Variants in CAMSAP2 observed in about 807,000 individuals in gnomAD.
The protein encoded by CAMSAP2 is calmodulin-regulated spectrin-associated protein 2.
In CAMSAP2, 26 loss-of-function variants were observed where a neutral mutation model predicts 146.1. That is an observed-to-expected ratio of 0.18 (90% CI 0.13 to 0.25). The LOEUF is 0.25. Among genes scored for constraint, CAMSAP2 ranks in the 10% least tolerant of loss-of-function variants. The probability of loss-of-function intolerance (pLI) is 1.00; values close to 1 mark genes in which losing one functional copy is unlikely to be tolerated. For missense variants in CAMSAP2, 1,381 were observed against 1,759.3 expected (o/e 0.78, Z 3.85); for synonymous variants, 499 against 596.6 (o/e 0.84, Z 2.38).
At chr1:200,828,886 G>A (rs1443643800) in intron 4 of CAMSAP2, among the ~76,000 whole-genome samples, 8 of 151,936 alleles carry the variant, frequency 5.3e-5, no homozygotes, top group African/African-American at 1.2e-4. Context: ...GGCCAGGTGC[G>A]GTGGCTCACA....
chr1:200,848,712 A>T lies in CAMSAP2; in HGVS notation c.1943A>T (p.Gln648Leu), dbSNP rs1409628537. The T allele has an allele frequency of 6.2e-7, 1 of 1,614,008 alleles. No individual in the cohort carries two copies. The highest frequency in any genetic ancestry group is 1.3e-5 in the African/African-American group (1 of 74,910). The change falls in exon 11 of 17, where the codon CAG (glutamine) becomes CTG (leucine). Residue 648 changes from glutamine (Q) to leucine (L), a missense_variant. This residue lies in a region of CAMSAP2 where 447 missense variants were observed against 462.2 expected (regional missense o/e 0.97). Transcript: ENST00000358823. ...SDMDDASKFL[Q>L]DYDIRTGNTR... ...ATGGATGATGCATCTAAATTTCTTC[A>T]GGATTATGATATTCGAACTGGCAAC...
chr1:200,847,757 C>A, intron 10 of CAMSAP2, 48 bp downstream of exon 10: 1 of 1,421,656 alleles, frequency 7.0e-7, no homozygotes, highest in South Asian at 1.2e-5. Context: ...TTAAGAAATG[C>A]AAATTGCATC....
intron 2 of CAMSAP2, among the ~76,000 whole-genome samples, chr1:200,762,091 A>T (rs192246961): frequency 5.9e-5 from 9 of 152,360 alleles, no homozygotes; most frequent in African/African-American, 2.2e-4. Context: ...TAAGGTGTAT[A>T]TGTAGAAAAG....
chr1:200,857,358 A>G lies in CAMSAP2; in HGVS notation c.4065A>G (p.Gln1355=), dbSNP rs745551743. 9 of 1,613,710 alleles carry G rather than the reference A, an allele frequency of 5.6e-6. No homozygotes were observed. The highest frequency in any genetic ancestry group is 6.8e-6 in the Non-Finnish European group (8 of 1,179,838). Residue 1355 remains glutamine, a synonymous_variant, in exon 16 of 17, where the codon CAA becomes CAG. Transcript: ENST00000358823. The surrounding 1 kb of genome is among the most constrained non-coding windows in gnomAD (Gnocchi z 4.7). ...CAAAATCCAATAAGCACATAATACAAAATGCTTTAGCTCATTGCTGTTTGG... is the reference window on the plus strand; with the variant it reads ...CAAAATCCAATAAGCACATAATACAGAATGCTTTAGCTCATTGCTGTTTGG... ...PSAKSNKHII[Q]NALAHCCLAG...
chr1:200,793,228 T>C (rs1014842891), intron 2 of CAMSAP2, among the ~76,000 whole-genome samples: 13 of 152,324 alleles, frequency 8.5e-5, no homozygotes, highest in African/African-American at 2.9e-4. Context: ...GATAATATTG[T>C]CTGCCTTATA....
At chr1:200,804,665 G>T (rs1054521685) in intron 2 of CAMSAP2, among the ~76,000 whole-genome samples, 2 of 152,180 alleles carry the variant, frequency 1.3e-5, no homozygotes, top group Non-Finnish European at 2.9e-5. Context: ...GCTCTCCAGG[G>T]ATGGAGTATA....
chr1:200,806,755 G>GTA (rs1558185411), intron 2 of CAMSAP2, among the ~76,000 whole-genome samples: 3 of 134,534 alleles, frequency 2.2e-5, no homozygotes, highest in African/African-American at 8.0e-5. Flanking sequence ...GTGTGTGTGT[G>GTA]TGTGTGTGTG....
intron 2 of CAMSAP2, among the ~76,000 whole-genome samples, chr1:200,773,887 AAAAATAAAAT>A (rs201163114): frequency 0.13 from 17,979 of 134,176 alleles, 1,322 homozygotes; most frequent in Admixed American, 0.16. Flanking sequence ...CTCTGTCTCA[AAAAATAAAAT>A]AAAATAAAAT....
intron 4 of CAMSAP2, among the ~76,000 whole-genome samples, chr1:200,823,093 C>G (rs1443010641): frequency 6.6e-6 from 1 of 152,048 alleles, no homozygotes; most frequent in African/African-American, 2.4e-5. Context: ...ATATACCTAC[C>G]TGAATTAATT....
At chr1:200,841,883 T>C in intron 6 of CAMSAP2, 111 bp from the exon 7 acceptor site, 1 of 751,336 alleles carries the variant, frequency 1.3e-6, no homozygotes, top group Non-Finnish European at 2.3e-6. Context: ...CTATAGTGAA[T>C]ATACTCCAGT....
chr1:200,831,650 C>A (rs1354992525), intron 4 of CAMSAP2, among the ~76,000 whole-genome samples: 1 of 147,448 alleles, frequency 6.8e-6, no homozygotes, highest in South Asian at 2.1e-4. Flanking sequence ...TTTTCACTTT[C>A]AAAGTTGTTA....
In CAMSAP2 at chr1:200,807,448, A is replaced by G; in HGVS notation, c.472A>G (p.Ile158Val). 1 of 1,575,366 alleles carries G rather than the reference A, an allele frequency of 6.3e-7. No individual in the cohort carries two copies. Among genetic ancestry groups the G allele is most frequent in the Non-Finnish European group, 8.7e-7 (1 of 1,154,384 alleles). ...AGAAATGGTCAGTATAGAAAAAGTA[A>G]TTGCGTGTGCTCAGCAGTATTCAGC... ...TVEMVSIEKVIACAQQYSAFF... is the reference protein window; with the variant it reads ...TVEMVSIEKVVACAQQYSAFF... Residue 158 changes from isoleucine (I) to valine (V), a missense_variant, in exon 3 of 17, where the codon ATT (isoleucine) becomes GTT (valine). Ile to Val is a conservative substitution (Grantham distance 29). Around this residue, in one of 4 missense-constraint regions of CAMSAP2, gnomAD observed 284 missense variants for 406.9 expected, o/e 0.70. Transcript: ENST00000358823.
chr1:200,790,821 C>A (rs915632246), intron 2 of CAMSAP2, among the ~76,000 whole-genome samples: 2 of 152,030 alleles, frequency 1.3e-5, no homozygotes, highest in African/African-American at 4.8e-5. Flanking sequence ...GATCAATAAA[C>A]ATTGAGAAAA....
intron 4 of CAMSAP2, among the ~76,000 whole-genome samples, chr1:200,827,163 A>G (rs1405523931): frequency 2.6e-5 from 4 of 152,216 alleles, no homozygotes; most frequent in Admixed American, 6.5e-5. Flanking sequence ...TCCGCCAAGA[A>G]GATTGCTGTT....
intron 2 of CAMSAP2, among the ~76,000 whole-genome samples, chr1:200,765,447 T>C (rs945943435): frequency 7.2e-5 from 11 of 152,084 alleles, no homozygotes; most frequent in African/African-American, 2.7e-4. Flanking sequence ...GCCAGGCTGG[T>C]CTCGAGCTCC....
intron 6 of CAMSAP2, among the ~76,000 whole-genome samples, chr1:200,836,664 C>G (rs974092006): frequency 7.2e-5 from 11 of 152,132 alleles, no homozygotes; most frequent in African/African-American, 2.7e-4. Context: ...GAGGAATTAC[C>G]ACACTGTTTT....
chr1:200,848,393 A>G lies in CAMSAP2; in HGVS notation c.1624A>G (p.Ile542Val), dbSNP rs1235899239. The G allele has an allele frequency of 6.2e-7, 1 of 1,614,062 alleles. No homozygotes were observed. The highest frequency in any genetic ancestry group is 8.5e-7 in the Non-Finnish European group (1 of 1,179,958). Residue 542 changes from isoleucine (I) to valine (V), a missense_variant, in exon 11 of 17, where the codon ATT becomes GTT. Ile to Val is a conservative substitution (Grantham distance 29). This residue lies in a region of CAMSAP2 where 447 missense variants were observed against 462.2 expected (regional missense o/e 0.97). Coordinates refer to ENST00000358823, the MANE Select transcript of CAMSAP2 (RefSeq NM_203459.4). The part of the protein sequence containing the change: ...EFGNQIETPS[I>V]EEALQIIHDT... ...TGGCAATCAGATCGAGACACCAAGC[A>G]TTGAAGAAGCATTACAAATAATTCA...
At chr1:200,804,342 T>C (rs912438417) in intron 2 of CAMSAP2, among the ~76,000 whole-genome samples, 1 of 152,198 alleles carries the variant, frequency 6.6e-6, no homozygotes, top group African/African-American at 2.4e-5. Flanking sequence ...TTTTATATTG[T>C]ACACATTTCC....
intron 2 of CAMSAP2, among the ~76,000 whole-genome samples, chr1:200,769,161 T>A (rs1045177552): frequency 6.6e-6 from 1 of 152,192 alleles, no homozygotes; most frequent in African/African-American, 2.4e-5. Context: ...GGGGTCTAGA[T>A]GTTCCCTTCC....
Sources: gnomAD v4.1 joint callset for allele counts (sites outside exome capture counted in the v4.1 genomes callset) on GRCh38, gnomAD v4.1.1 for gene constraint, gnomAD v4.1.1 regional missense constraint, Gnocchi (gnomAD v3.1) non-coding constraint, MANE v1.5 for transcripts, NCBI Gene and HGNC (gene_info 2026-07-23, HGNC 2026-07-21) for gene names.